The following NAV3 variants were observed in gnomAD, a reference collection of about 807,000 sequenced individuals.
NAV3 encodes the protein neuron navigator 3, also known as pore membrane and/or filament interacting like protein 1.
NAV3 carries 87 observed loss-of-function variants against 244.7 expected under a neutral mutation model. The observed-to-expected ratio is 0.36, with a 90% CI of 0.30 to 0.42. NAV3 has a LOEUF of 0.42. Among genes scored for constraint, NAV3 ranks in the 20% least tolerant of loss-of-function variants. NAV3 has a pLI of 1.00. For missense variants in NAV3, 2,663 were observed against 2,893.3 expected, an observed-to-expected ratio of 0.92 and a Z score of 1.83; for synonymous variants, 1,126 against 1,042.2, an observed-to-expected ratio of 1.08 and a Z score of -1.55.
intron 1 of NAV3, among the ~76,000 whole-genome samples, chr12:77,846,847 C>T (rs1876721623): frequency 6.6e-6 from 1 of 151,894 alleles, no homozygotes; most frequent in African/African-American, 2.4e-5. Context: ...TACATTTGCT[C>T]TTCATCCCTT....
At position 78,110,135 on chromosome 12, in the gene NAV3, T is replaced by A. The variant is rs548248081; in HGVS notation, c.2637-6637T>A. On this transcript the variant is annotated intron_variant, in intron 12 of 39. Coordinates refer to ENST00000397909, the MANE Select transcript of NAV3 (RefSeq NM_001024383.2). ...ATAAAAATACAAAAGTCAGTAGCATTTCTATGCCCCAATAATAAAATAGCT... is the reference window on the plus strand; with the variant it reads ...ATAAAAATACAAAAGTCAGTAGCATATCTATGCCCCAATAATAAAATAGCT... Among the ~76,000 whole-genome samples the A allele has an allele frequency of 2.0e-5, 3 of 152,158 alleles. No homozygotes were observed. In the East Asian group the frequency reaches 5.8e-4, roughly 29 times the overall value.
chr12:77,926,224 A>AAATT (rs1324100208), intron 1 of NAV3, among the ~76,000 whole-genome samples: 3 of 152,136 alleles, frequency 2.0e-5, no homozygotes, highest in Non-Finnish European at 4.4e-5. Flanking sequence ...ACTTCTTTCT[A>AAATT]AATTAATTAA....
chr12:77,891,920 C>G (rs142733820), intron 1 of NAV3, among the ~76,000 whole-genome samples: 151 of 152,274 alleles, frequency 9.9e-4, no homozygotes, highest in Non-Finnish European at 1.7e-3. Flanking sequence ...GGACCAACAG[C>G]CTTGCAGGTG....
chr12:77,869,379 A>C (rs1459194847), intron 1 of NAV3, among the ~76,000 whole-genome samples: 1 of 152,214 alleles, frequency 6.6e-6, no homozygotes, highest in East Asian at 1.9e-4. Flanking sequence ...TTATGGAAGT[A>C]ATAATTTTTA....
intron 2 of NAV3, among the ~76,000 whole-genome samples, chr12:77,793,749 G>C (rs1871286772): frequency 6.6e-6 from 1 of 152,318 alleles, no homozygotes; most frequent in East Asian, 1.9e-4. Flanking sequence ...TTGGTTCCAA[G>C]TATTTGCTAT....
chr12:77,953,998 C>T (rs930391847), intron 3 of NAV3, among the ~76,000 whole-genome samples: 10 of 152,096 alleles, frequency 6.6e-5, no homozygotes, highest in African/African-American at 1.4e-4. Context: ...CAGTACTGTA[C>T]GTCTTCCAGA....
intron 2 of NAV3, among the ~76,000 whole-genome samples, chr12:77,613,214 A>C (rs1256384938): frequency 6.6e-6 from 1 of 152,196 alleles, no homozygotes; most frequent in East Asian, 1.9e-4. Context: ...GTTTGCTCAG[A>C]ATAGAATTCT....
intron 34 of NAV3, among the ~76,000 whole-genome samples, chr12:78,195,530 C>T (rs752604278): frequency 2.0e-5 from 3 of 152,014 alleles, no homozygotes; most frequent in Non-Finnish European, 4.4e-5. Context: ...TGCTTATCAA[C>T]TCTAAGTTTC....
intron 2 of NAV3, among the ~76,000 whole-genome samples, chr12:77,581,510 T>G (rs1249421976): frequency 6.6e-6 from 1 of 152,170 alleles, no homozygotes; most frequent in Non-Finnish European, 1.5e-5. Context: ...ATTTCTTATG[T>G]GTATATTTGT....
At chr12:78,124,600 C>T (rs941026953) in intron 16 of NAV3, among the ~76,000 whole-genome samples, 2 of 152,014 alleles carry the variant, frequency 1.3e-5, no homozygotes, top group Admixed American at 6.5e-5. Context: ...GTTATAGGAG[C>T]GGACCACCAT....
chr12:78,062,919 CTTAG>C (rs1884514351), intron 12 of NAV3, among the ~76,000 whole-genome samples: 1 of 151,518 alleles, frequency 6.6e-6, no homozygotes, highest in Admixed American at 6.6e-5. Context: ...ATTTTTTTTT[CTTAG>C]TTATTCTTTC....
chr12:77,934,499 A>G (rs1889136012), intron 1 of NAV3, among the ~76,000 whole-genome samples: 2 of 152,186 alleles, frequency 1.3e-5, no homozygotes, highest in African/African-American at 4.8e-5. Context: ...AACTCAGTCC[A>G]GAGAGGTAAC....
chr12:78,124,740 C>A (rs555607923), intron 16 of NAV3, among the ~76,000 whole-genome samples: 3 of 152,066 alleles, frequency 2.0e-5, no homozygotes, highest in Non-Finnish European at 4.4e-5. Flanking sequence ...AGGTGTGAGC[C>A]GTGGCACCAG....
intron 3 of NAV3, among the ~76,000 whole-genome samples, chr12:77,947,267 G>T (rs1890439078): frequency 6.6e-6 from 1 of 151,748 alleles, no homozygotes; most frequent in Admixed American, 6.6e-5. Context: ...GAAATTTCTT[G>T]ATCCTATTTC....
chr12:78,143,280 G>A, intron 20 of NAV3: 1 of 441,978 alleles, frequency 2.3e-6, no homozygotes, highest in Non-Finnish European at 4.5e-6. Flanking sequence ...GAAATCACAA[G>A]CCTAACCTGA....
chr12:78,117,892 A>G (rs919479731), intron 13 of NAV3, 135 bp from the exon 14 acceptor site: 8 of 892,520 alleles, frequency 9.0e-6, no homozygotes, highest in Middle Eastern at 2.8e-4. Flanking sequence ...GCTAAAATTA[A>G]TAAAATGTAA....
At chr12:77,906,081 AG>A (rs1248304155) in intron 1 of NAV3, among the ~76,000 whole-genome samples, 8 of 152,286 alleles carry the variant, frequency 5.3e-5, no homozygotes, top group African/African-American at 1.9e-4. Flanking sequence ...GGAAAGGTAG[AG>A]AGCTATAGGC....
intron 1 of NAV3, among the ~76,000 whole-genome samples, chr12:77,859,758 C>CAAA (rs61516625): frequency 0.01 from 711 of 68,564 alleles, 48 homozygotes; most frequent in African/African-American, 0.027. Flanking sequence ...CTTTCAAATG[C>CAAA]AAAAAAAAAA....
At chr12:78,167,101 G>T (rs895700691) in intron 23 of NAV3, among the ~76,000 whole-genome samples, 1 of 151,522 alleles carries the variant, frequency 6.6e-6, no homozygotes, top group African/African-American at 2.4e-5. Flanking sequence ...TTTCTTGGGG[G>T]ATATTTTTAA....
Sources: allele counts gnomAD v4.1 joint callset (sites outside exome capture counted in the v4.1 genomes callset), GRCh38; gene constraint gnomAD v4.1.1; transcripts MANE v1.5; gene names NCBI Gene and HGNC (gene_info 2026-07-23, HGNC 2026-07-21).